TXNRD1: variants seen among roughly 807,000 people sequenced by gnomAD.
The protein encoded by TXNRD1 is thioredoxin reductase 1, cytoplasmic.
TXNRD1 carries 57 observed loss-of-function variants against 80.3 expected under a neutral mutation model. That is an observed-to-expected ratio of 0.71 (90% confidence interval 0.57 to 0.89). TXNRD1 has a LOEUF of 0.89. TXNRD1 is among the 40% of genes least tolerant of loss of function. The pLI is 0.00. For missense variants in TXNRD1, 730 were observed against 803.0 expected, an observed-to-expected ratio of 0.91 and a Z score of 1.10; for synonymous variants, 291 against 285.2, an observed-to-expected ratio of 1.02 and a Z score of -0.20.
At chr12:104,343,957 G>T (rs913056371) in intron 16 of TXNRD1, among the ~76,000 whole-genome samples, 1 of 152,010 alleles carries the variant, frequency 6.6e-6, no homozygotes. Context: ...TACGAAAATG[G>T]CCTGATGTGG....
chr12:104,318,496 C>G (rs1016970395), intron 7 of TXNRD1, among the ~76,000 whole-genome samples: 2 of 152,138 alleles, frequency 1.3e-5, no homozygotes, highest in African/African-American at 4.8e-5. Context: ...GCTGGATTGG[C>G]CCATGGTGCA....
chr12:104,315,867 G>A lies in TXNRD1; in HGVS notation c.701G>A (p.Arg234Gln), dbSNP rs1345555948. The stretch of plus-strand genomic sequence containing the variant: ...TTAGGACAAGCCCTGCAAGACTCTC[G>A]AAATTATGGATGGAAAGTCGAGGAG... ...ALLGQALQDS[R>Q]NYGWKVEETV... Residue 234 changes from arginine (R) to glutamine (Q), a missense_variant, in exon 7 of 17, where the codon CGA (arginine) becomes CAA (glutamine). Coordinates refer to ENST00000525566, the MANE Select transcript of TXNRD1 (RefSeq NM_001093771.3). 3.1e-6 allele frequency: 5 copies of A among 1,612,050 alleles called. No individual in the cohort carries two copies. Among genetic ancestry groups the A allele is most frequent in the Admixed American group, 1.7e-5 (1 of 59,958 alleles).
At chr12:104,262,778 G>GTT (rs11422121) in intron 3 of TXNRD1, among the ~76,000 whole-genome samples, 44 of 149,134 alleles carry the variant, frequency 3.0e-4, no homozygotes, top group Middle Eastern at 3.4e-3. Flanking sequence ...ACTTGTTTGT[G>GTT]TTTTTTTTTT....
intron 3 of TXNRD1, chr12:104,287,404 A>T: frequency 6.2e-7 from 1 of 1,613,926 alleles, no homozygotes; most frequent in Non-Finnish European, 8.5e-7. Context: ...CTTTGTAGAG[A>T]CAGTTTGCAG....
At chr12:104,335,357 A>G (rs767651811) in intron 15 of TXNRD1, among the ~76,000 whole-genome samples, 1 of 151,896 alleles carries the variant, frequency 6.6e-6, no homozygotes, top group South Asian at 2.1e-4. Context: ...ACCCACCACC[A>G]TGCCCAGCTA....
chr12:104,340,631 C>T (rs1321793186), intron 16 of TXNRD1, among the ~76,000 whole-genome samples: 1 of 152,224 alleles, frequency 6.6e-6, no homozygotes, highest in East Asian at 1.9e-4. Flanking sequence ...CCCCCCTCTT[C>T]ACATGGCCTC....
chr12:104,310,248 C>T (rs1485029570), intron 4 of TXNRD1: 1 of 886,998 alleles, frequency 1.1e-6, no homozygotes, highest in African/African-American at 1.7e-5. Flanking sequence ...CTCCCGGGTT[C>T]AAGCGCTTCT....
At chr12:104,243,992 T>C (rs1409342607) in intron 1 of TXNRD1, among the ~76,000 whole-genome samples, 1 of 152,244 alleles carries the variant, frequency 6.6e-6, no homozygotes, top group Non-Finnish European at 1.5e-5. Context: ...GTGCTTTTCA[T>C]ATTTCATGCT....
In TXNRD1 at chr12:104,289,043, A is replaced by G. The variant is rs2135745194; in HGVS notation, c.414+3A>G. 6.2e-7 allele frequency: 1 copy of G among 1,612,584 alleles called. No homozygotes were observed. Among genetic ancestry groups the G allele is most frequent in the Non-Finnish European group, 8.5e-7 (1 of 1,178,898 alleles). ...GCGGCCATGGTCCAACCTTGAAGGT[A>G]GGAGAGAGTAACGTATCTTTTTAAA... On this transcript the variant is annotated splice_donor_region_variant and intron_variant, in intron 4 of 16. Transcript: ENST00000525566.
intron 2 of TXNRD1, among the ~76,000 whole-genome samples, chr12:104,254,644 A>AAAAAAAAAAAAAAAAT: frequency 5.2e-4 from 49 of 93,626 alleles, no homozygotes; most frequent in Non-Finnish European, 6.7e-4. Flanking sequence ...AAAAAAAAAA[A>AAAAAAAAAAAAAAAAT]ATATATATAT....
chr12:104,293,673 G>A (rs773571534), intron 4 of TXNRD1, among the ~76,000 whole-genome samples: 1 of 152,128 alleles, frequency 6.6e-6, no homozygotes, highest in East Asian at 1.9e-4. Flanking sequence ...GTAGGGACCA[G>A]CCCCACAGGG....
At chr12:104,218,271 G>A (rs900276394) in intron 1 of TXNRD1, among the ~76,000 whole-genome samples, 2 of 151,804 alleles carry the variant, frequency 1.3e-5, no homozygotes, top group Non-Finnish European at 2.9e-5. Context: ...TGATCTTCCC[G>A]CCTCAGCCTC....
intron 3 of TXNRD1, among the ~76,000 whole-genome samples, chr12:104,267,165 CA>C (rs925258421): frequency 2.2e-3 from 117 of 53,830 alleles, no homozygotes; most frequent in African/African-American, 6.5e-3. Flanking sequence ...GACTCCCTCT[CA>C]AAAAAAAAAA....
chr12:104,325,710 A>T (rs1325533409), intron 11 of TXNRD1, among the ~76,000 whole-genome samples: 2 of 152,136 alleles, frequency 1.3e-5, no homozygotes, highest in Non-Finnish European at 2.9e-5. Flanking sequence ...CGACTCTACT[A>T]AAAATACAAA....
chr12:104,335,200 C>CT (rs61316589), intron 15 of TXNRD1, among the ~76,000 whole-genome samples: 36 of 123,852 alleles, frequency 2.9e-4, no homozygotes, highest in Admixed American at 9.8e-4. Context: ...TATTACAGTC[C>CT]TTTTTTTTTT....
intron 12 of TXNRD1, among the ~76,000 whole-genome samples, 173 bp from the exon 13 acceptor site, chr12:104,327,342 A>G (rs1386505175): frequency 2.0e-5 from 3 of 152,164 alleles, no homozygotes; most frequent in African/African-American, 7.2e-5. Flanking sequence ...CAGAATTGTC[A>G]TTATCTGATA....
At chr12:104,272,790 T>TAA (rs34460613) in intron 3 of TXNRD1, among the ~76,000 whole-genome samples, 33 of 129,748 alleles carry the variant, frequency 2.5e-4, no homozygotes, top group African/African-American at 5.1e-4. Context: ...AGACTCCACC[T>TAA]AAAAAAAAAA....
intron 1 of TXNRD1, among the ~76,000 whole-genome samples, chr12:104,236,375 C>G (rs1200059663): frequency 6.6e-6 from 1 of 152,152 alleles, no homozygotes; most frequent in Non-Finnish European, 1.5e-5. Flanking sequence ...CTAATTAAGG[C>G]TCATTGGTTT....
intron 13 of TXNRD1, among the ~76,000 whole-genome samples, chr12:104,328,467 G>C (rs2035840965): frequency 6.6e-6 from 1 of 151,900 alleles, no homozygotes; most frequent in South Asian, 2.1e-4. Context: ...GAAAATATCT[G>C]TCTTAGAGGC....
Sources: allele counts gnomAD v4.1 joint callset (sites outside exome capture counted in the v4.1 genomes callset), GRCh38; gene constraint gnomAD v4.1.1; transcripts MANE v1.5; gene names NCBI Gene and HGNC (gene_info 2026-07-23, HGNC 2026-07-21).